SCAPER: variants seen among roughly 807,000 people sequenced by gnomAD.
The protein encoded by SCAPER is S-phase cyclin A associated protein in the ER.
Under a neutral mutation model 182.2 loss-of-function variants are expected in SCAPER, and 98 were observed. That is an observed-to-expected ratio of 0.54 (90% CI 0.46 to 0.64). SCAPER has a LOEUF of 0.64. Among genes scored for constraint, SCAPER ranks in the 30% least tolerant of loss-of-function variants. The pLI, the probability that SCAPER is intolerant of heterozygous loss-of-function variation, is 0.00. For synonymous variants in SCAPER, 605 were observed against 564.6 expected (o/e 1.07, Z -1.01); for missense variants, 1,432 against 1,690.0 (o/e 0.85, Z 2.68).
At chr15:76,424,732 G>T (rs147525045) in intron 26 of SCAPER, among the ~76,000 whole-genome samples, 165 of 152,234 alleles carry the variant, frequency 1.1e-3, no homozygotes, top group African/African-American at 3.7e-3. Flanking sequence ...TTACAATTTG[G>T]CATGTTTTTG....
chr15:76,885,023 G>A lies in SCAPER; in HGVS notation c.-59-1147C>T, dbSNP rs2073767212. ...GTTGCTGAAGGCTGCGGGGTTAGGA[G>A]AAAATGAGAGTAACTGCTAATAAGC... On this transcript the variant is annotated intron_variant, in intron 1 of 31. Transcript: ENST00000563290. 2.0e-5 allele frequency among the ~76,000 whole-genome samples: 3 copies of A among 152,310 alleles called. No individual in the cohort carries two copies. The South Asian group carries it at 6.2e-4, about 32-fold the overall frequency.
At position 76,354,972 on chromosome 15, in the gene SCAPER, C is replaced by T. The variant is rs1326684484; in HGVS notation, c.3856-832G>A. Among the ~76,000 whole-genome samples, 4 of 152,180 alleles carry T rather than the reference C, an allele frequency of 2.6e-5. No homozygotes were observed. The highest frequency in any genetic ancestry group is 4.4e-5 in the Non-Finnish European group (3 of 68,040). On this transcript the variant is annotated intron_variant, in intron 29 of 31. Transcript: ENST00000563290. This position sits in a 1 kb window ranked among gnomAD's most constrained non-coding sequence, Gnocchi z 4.4. ...GAGCTGGGTGACCCAAAGCCCACTTCGTGGTATAGGAGGAAGCTCCTAGAT... is the reference window on the plus strand; with the variant it reads ...GAGCTGGGTGACCCAAAGCCCACTTTGTGGTATAGGAGGAAGCTCCTAGAT...
At chr15:76,610,543 C>CA (rs1438462740) in intron 22 of SCAPER, among the ~76,000 whole-genome samples, 4 of 151,944 alleles carry the variant, frequency 2.6e-5, no homozygotes, top group East Asian at 1.9e-4. Context: ...AAAGATTCTA[C>CA]AAAAAAATCC....
At chr15:76,811,176 T>C (rs2066592637) in intron 5 of SCAPER, among the ~76,000 whole-genome samples, 1 of 140,572 alleles carries the variant, frequency 7.1e-6, no homozygotes, top group African/African-American at 2.6e-5. Context: ...TTAACAAACA[T>C]AGAATTAGCA....
chr15:76,867,726 C>T (rs1286954677), intron 2 of SCAPER, among the ~76,000 whole-genome samples: 1 of 152,176 alleles, frequency 6.6e-6, no homozygotes, highest in Non-Finnish European at 1.5e-5. Context: ...AAGCTATCAT[C>T]ATCTCAAACC....
At chr15:76,795,943 C>T (rs1400169764) in intron 7 of SCAPER, among the ~76,000 whole-genome samples, 1 of 152,048 alleles carries the variant, frequency 6.6e-6, no homozygotes, top group Non-Finnish European at 1.5e-5. Context: ...CACCTGTAAT[C>T]CCAGCTACTC....
intron 25 of SCAPER, among the ~76,000 whole-genome samples, chr15:76,460,207 T>A (rs1277560518): frequency 6.6e-6 from 1 of 152,170 alleles, no homozygotes; most frequent in South Asian, 2.1e-4. Flanking sequence ...TCCATGAGCA[T>A]GGATATCTTT....
chr15:76,465,017 C>G (rs923987472), intron 25 of SCAPER, among the ~76,000 whole-genome samples: 1 of 152,002 alleles, frequency 6.6e-6, no homozygotes, highest in Non-Finnish European at 1.5e-5. Context: ...ACGTGTTGTT[C>G]AACTGTGTAT....
At chr15:76,492,978 A>T (rs1310940205) in intron 24 of SCAPER, among the ~76,000 whole-genome samples, 1 of 151,960 alleles carries the variant, frequency 6.6e-6, no homozygotes, top group African/African-American at 2.4e-5. Flanking sequence ...GACTAGTGCA[A>T]ACCTACGCTA....
intron 17 of SCAPER, among the ~76,000 whole-genome samples, chr15:76,706,207 G>A (rs183929157): frequency 1.5e-4 from 23 of 152,156 alleles, no homozygotes; most frequent in African/African-American, 5.3e-4. Context: ...ACCCAGGCAT[G>A]GCTTTAAATA....
At chr15:76,586,004 T>C (rs916332058) in intron 22 of SCAPER, among the ~76,000 whole-genome samples, 2 of 152,176 alleles carry the variant, frequency 1.3e-5, no homozygotes, top group Admixed American at 1.3e-4. Context: ...AACCTAGGAA[T>C]ATGAGAAGTA....
chr15:76,369,883 T>G (rs1169632355), intron 29 of SCAPER, among the ~76,000 whole-genome samples: 2 of 152,210 alleles, frequency 1.3e-5, no homozygotes, highest in African/African-American at 4.8e-5. Context: ...GAGCACAGCC[T>G]TTAGTGCATG....
intron 23 of SCAPER, among the ~76,000 whole-genome samples, chr15:76,518,697 G>A (rs890034139): frequency 2.6e-5 from 4 of 152,180 alleles, no homozygotes; most frequent in African/African-American, 9.7e-5. Context: ...AAAATGCAGT[G>A]CAGCAAGGAA....
intron 31 of SCAPER, 107 bp downstream of exon 31, chr15:76,351,130 G>T: frequency 2.3e-6 from 2 of 871,962 alleles, no homozygotes; most frequent in Non-Finnish European, 3.4e-6. Flanking sequence ...ATATTTTTAG[G>T]TTATGTATAA....
rs76827170 is a variant in SCAPER, at chr15:76,823,663, C to T, written c.393+18071G>A. ...TTCTACTTTAAAACAACCTTCTGAA[C>T]AAAGAAGTACTGCTTATTTCCTTTC... On this transcript the variant is annotated intron_variant, in intron 5 of 31. Transcript: ENST00000563290. 8.2e-3 allele frequency among the ~76,000 whole-genome samples: 1,247 copies of T among 152,034 alleles called. 4 individuals are homozygous for T. Among genetic ancestry groups the T allele is most frequent in the Middle Eastern group, 0.024 (7 of 292 alleles).
At chr15:76,579,432 T>A (rs1014703071) in intron 22 of SCAPER, among the ~76,000 whole-genome samples, 1 of 151,906 alleles carries the variant, frequency 6.6e-6, no homozygotes, top group Non-Finnish European at 1.5e-5. Context: ...TTAGTTTTTT[T>A]ATGCAAGTAG....
intron 29 of SCAPER, among the ~76,000 whole-genome samples, chr15:76,373,896 AT>A (rs796315925): frequency 1.6e-3 from 229 of 141,452 alleles, no homozygotes; most frequent in Middle Eastern, 0.011. Flanking sequence ...GGCCTGCCTT[AT>A]TTTTTTTTTT....
chr15:76,641,369 A>T (rs1567676825), intron 21 of SCAPER, among the ~76,000 whole-genome samples: 5 of 152,080 alleles, frequency 3.3e-5, no homozygotes. Flanking sequence ...TAATCAAATG[A>T]CCCTAAATCC....
intron 22 of SCAPER, among the ~76,000 whole-genome samples, chr15:76,603,699 C>A (rs2145820248): frequency 8.3e-6 from 1 of 121,068 alleles, no homozygotes; most frequent in African/African-American, 2.5e-5. Flanking sequence ...CCTGTTGTTT[C>A]CTGACTTTTT....
Sources: gnomAD v4.1 joint callset for allele counts (sites outside exome capture counted in the v4.1 genomes callset) on GRCh38, gnomAD v4.1.1 for gene constraint, Gnocchi (gnomAD v3.1) non-coding constraint, MANE v1.5 for transcripts, NCBI Gene and HGNC (gene_info 2026-07-23, HGNC 2026-07-21) for gene names.